CNTN1: variants seen among roughly 807,000 people sequenced by gnomAD.
CNTN1 encodes contactin-1.
CNTN1 carries 38 observed loss-of-function variants against 126.4 expected under a neutral mutation model. The ratio of observed to expected loss-of-function variants is 0.30; its 90% confidence interval spans 0.23 to 0.39. The LOEUF (loss-of-function observed/expected upper bound fraction) is 0.39, where lower values mean the gene tolerates loss of function less well. Among genes scored for constraint, CNTN1 ranks in the 10% least tolerant of loss-of-function variants. The pLI is 1.00. For synonymous variants in CNTN1, 413 were observed against 422.6 expected, an observed-to-expected ratio of 0.98 and a Z score of 0.28; for missense variants, 1,009 against 1,248.4, an observed-to-expected ratio of 0.81 and a Z score of 2.89.
At chr12:40,773,412 ATATT>A (rs1277798022) in intron 1 of CNTN1, among the ~76,000 whole-genome samples, 4 of 151,560 alleles carry the variant, frequency 2.6e-5, no homozygotes, top group Admixed American at 2.0e-4. Flanking sequence ...CTCAAAACCT[ATATT>A]TATTTTTAAA....
At chr12:41,016,234 A>G (rs769384166) in intron 18 of CNTN1, among the ~76,000 whole-genome samples, 6 of 152,228 alleles carry the variant, frequency 3.9e-5, no homozygotes, top group Non-Finnish European at 8.8e-5. Context: ...ACAATAAAGT[A>G]GATAAATAAG....
intron 14 of CNTN1, among the ~76,000 whole-genome samples, chr12:40,953,430 G>A (rs945567987): frequency 1.3e-5 from 2 of 152,052 alleles, no homozygotes; most frequent in Non-Finnish European, 2.9e-5. Flanking sequence ...TTCTCTTGAG[G>A]TATGGAAAGT....
chr12:40,838,922 T>C (rs1942175342), intron 1 of CNTN1, among the ~76,000 whole-genome samples: 1 of 152,122 alleles, frequency 6.6e-6, no homozygotes, highest in South Asian at 2.1e-4. Flanking sequence ...TAGATCTTAA[T>C]CGAAACAAAA....
intron 20 of CNTN1, among the ~76,000 whole-genome samples, chr12:41,022,524 G>T (rs190296901): frequency 1.3e-5 from 2 of 152,298 alleles, no homozygotes; most frequent in African/African-American, 4.8e-5. Context: ...TTATGTGAAA[G>T]ATATTAAATA....
Position 41,025,070 on chromosome 12 carries a change from A to C in CNTN1, c.2524-80A>C, listed in dbSNP as rs546813426. On this transcript the variant is annotated intron_variant, in intron 20 of 23. Coordinates refer to ENST00000551295, the MANE Select transcript of CNTN1 (RefSeq NM_001843.4). ...TGATGATCAGCCAACACCAATGGTA[A>C]TAGAACCAGTTGAAGAGAACTTTTC... 6.8e-5 allele frequency: 92 copies of C among 1,350,620 alleles called. No homozygotes were observed. The South Asian group carries it at 9.2e-4, about 14-fold the overall frequency. The allele number at this position is 1,350,620 out of a possible 1,614,324, so 83.7% of individuals were successfully genotyped here.
At chr12:40,783,718 C>A (rs997989739) in intron 1 of CNTN1, among the ~76,000 whole-genome samples, 2 of 152,036 alleles carry the variant, frequency 1.3e-5, no homozygotes, top group Non-Finnish European at 2.9e-5. Flanking sequence ...ACACGTAAAT[C>A]AGGTAATAAA....
At chr12:40,991,043 T>G (rs1948084185) in intron 16 of CNTN1, among the ~76,000 whole-genome samples, 1 of 152,208 alleles carries the variant, frequency 6.6e-6, no homozygotes, top group African/African-American at 2.4e-5. Context: ...TTTCTAGGGT[T>G]GCCAACAAAT....
At chr12:40,849,100 T>A (rs573340678) in intron 1 of CNTN1, among the ~76,000 whole-genome samples, 4 of 152,260 alleles carry the variant, frequency 2.6e-5, no homozygotes, top group African/African-American at 9.6e-5. Context: ...TCCCTTGAGA[T>A]TTTAGACAAA....
intron 23 of CNTN1, among the ~76,000 whole-genome samples, chr12:41,056,395 TG>T (rs2121066295): frequency 6.6e-6 from 1 of 152,280 alleles, no homozygotes; most frequent in South Asian, 2.1e-4. Flanking sequence ...CACTAAAGCA[TG>T]TGCTCTTAAT....
chr12:41,047,642 G>A (rs989950440), intron 23 of CNTN1, among the ~76,000 whole-genome samples: 14 of 151,926 alleles, frequency 9.2e-5, no homozygotes, highest in African/African-American at 3.1e-4. Context: ...CTCATTCCAT[G>A]GAGACTTTAC....
chr12:40,928,289 T>C (rs1020247197), intron 6 of CNTN1, among the ~76,000 whole-genome samples: 3 of 152,052 alleles, frequency 2.0e-5, no homozygotes, highest in African/African-American at 7.2e-5. Flanking sequence ...TTAAATGTAC[T>C]ATACATATCA....
intron 1 of CNTN1, among the ~76,000 whole-genome samples, chr12:40,716,008 T>G (rs1942037489): frequency 6.6e-6 from 1 of 152,076 alleles, no homozygotes; most frequent in Non-Finnish European, 1.5e-5. Context: ...AACTACCATT[T>G]CTTGAGACCT....
rs180784395 is a variant in CNTN1 at position 40,832,764 on chromosome 12, A to G, written c.-76-75593A>G. Among the ~76,000 whole-genome samples the G allele has an allele frequency of 9.1e-4, 139 of 152,234 alleles. 1 individual carries two copies. The East Asian group carries it at 0.021, about 23-fold the overall frequency. On this transcript the variant is annotated intron_variant, in intron 1 of 23. Coordinates refer to ENST00000551295, the MANE Select transcript of CNTN1 (RefSeq NM_001843.4). ...ACTTGCCCCTGAGTACATTTTTCAA[A>G]TGCAAACCAACCAATCCAGAGCCCC...
intron 1 of CNTN1, among the ~76,000 whole-genome samples, chr12:40,708,834 T>C (rs1441024235): frequency 2.0e-5 from 3 of 152,222 alleles, no homozygotes; most frequent in Non-Finnish European, 4.4e-5. Flanking sequence ...CATGAGATTA[T>C]AGCAATTCAG....
intron 23 of CNTN1, among the ~76,000 whole-genome samples, chr12:41,036,898 T>G (rs1037141634): frequency 2.6e-5 from 4 of 152,154 alleles, no homozygotes; most frequent in Non-Finnish European, 5.9e-5. Flanking sequence ...ATTAAACAAA[T>G]TTTTGTAGCA....
chr12:40,911,201 C>A (rs1014334005), intron 3 of CNTN1, among the ~76,000 whole-genome samples: 24 of 152,268 alleles, frequency 1.6e-4, no homozygotes, highest in Admixed American at 1.2e-3. Context: ...CTGCCTCAGC[C>A]TCCCGAGTAG....
chr12:40,836,844 TC>T (rs997638566), intron 1 of CNTN1, among the ~76,000 whole-genome samples: 1 of 152,194 alleles, frequency 6.6e-6, no homozygotes, highest in Non-Finnish European at 1.5e-5. Flanking sequence ...AAGTATTAGC[TC>T]ACTTAATCCT....
chr12:40,860,499 C>T (rs1484148994), intron 1 of CNTN1, among the ~76,000 whole-genome samples: 1 of 152,126 alleles, frequency 6.6e-6, no homozygotes, highest in Non-Finnish European at 1.5e-5. Context: ...CCTCAAGCTT[C>T]CTGTATTTCT....
At chr12:40,792,568 A>G (rs986969372) in intron 1 of CNTN1, among the ~76,000 whole-genome samples, 7 of 152,132 alleles carry the variant, frequency 4.6e-5, no homozygotes, top group African/African-American at 7.2e-5. Context: ...TAATAGATAC[A>G]GAAAGCCTTG....
Sources: gnomAD v4.1 joint callset for allele counts (sites outside exome capture counted in the v4.1 genomes callset) on GRCh38, gnomAD v4.1.1 for gene constraint, MANE v1.5 for transcripts, NCBI Gene and HGNC (gene_info 2026-07-23, HGNC 2026-07-21) for gene names.